The following IQCM variants were observed in gnomAD, a reference collection of about 807,000 sequenced individuals.
The protein encoded by IQCM is IQ motif containing M.
IQCM carries 45 observed loss-of-function variants against 57.6 expected under a neutral mutation model. The ratio of observed to expected loss-of-function variants is 0.78; its 90% CI spans 0.62 to 1.00. The LOEUF (loss-of-function observed/expected upper bound fraction) is 1.00, where lower values mean the gene tolerates loss of function less well. Ranked by LOEUF, IQCM falls within the 50% of genes least tolerant of loss-of-function variation. The pLI is 0.00. For missense variants in IQCM, 468 were observed against 511.6 expected, an observed-to-expected ratio of 0.91 and a Z score of 0.82; for synonymous variants, 148 against 158.9, an observed-to-expected ratio of 0.93 and a Z score of 0.51.
At chr4:149,368,051 C>T (rs1729963062) in intron 13 of IQCM, among the ~76,000 whole-genome samples, 1 of 151,898 alleles carries the variant, frequency 6.6e-6, no homozygotes, top group African/African-American at 2.4e-5. Flanking sequence ...GTGCAATTCC[C>T]CTTCAAATTA....
chr4:149,790,119 T>A, intron 2 of IQCM: 1 of 677,018 alleles, frequency 1.5e-6, no homozygotes. Context: ...CAGCCCTTAT[T>A]TACTCTATGG....
chr4:149,798,788 G>A (rs1416587836), intron 2 of IQCM, among the ~76,000 whole-genome samples: 1 of 151,640 alleles, frequency 6.6e-6, no homozygotes, highest in East Asian at 1.9e-4. Flanking sequence ...TCAGCAAGAG[G>A]GTGCATATAT....
At chr4:149,450,758 G>T (rs974064418) in intron 12 of IQCM, among the ~76,000 whole-genome samples, 1 of 151,864 alleles carries the variant, frequency 6.6e-6, no homozygotes, top group African/African-American at 2.4e-5. Context: ...AACACTGTTT[G>T]TGGTAATGTA....
chr4:149,434,809 C>T (rs1735194909), intron 12 of IQCM, among the ~76,000 whole-genome samples: 1 of 152,056 alleles, frequency 6.6e-6, no homozygotes, highest in Non-Finnish European at 1.5e-5. Context: ...CAGAAGGCTC[C>T]TGCAACTTCT....
chr4:149,757,467 C>A (rs1769087811), intron 2 of IQCM, among the ~76,000 whole-genome samples: 1 of 151,698 alleles, frequency 6.6e-6, no homozygotes, highest in Non-Finnish European at 1.5e-5. Flanking sequence ...AACCAAAGAA[C>A]ATAGAAAGGG....
intron 2 of IQCM, chr4:149,748,574 C>T (rs984804680): frequency 6.6e-6 from 1 of 152,062 alleles, no homozygotes; most frequent in African/African-American, 2.4e-5. Context: ...GAGCCATATT[C>T]AACAAGCTAT....
In IQCM at chr4:149,733,272, T is replaced by A; in HGVS notation, c.357A>T (p.Arg119Ser). 1 of 1,231,798 alleles carries A rather than the reference T, an allele frequency of 8.1e-7. No homozygotes were observed. 76.3% of individuals were successfully genotyped at this position (1,231,798 alleles called of 1,614,324 possible). A position where few individuals can be genotyped will look rare whatever the true frequency, so the allele number is the denominator to read the frequency against. ...TTGTAATTAGATCTATGGGCCTGCATCTTTCTCTTCTACTAAAAATGTGTG... is the reference window on the plus strand; with the variant it reads ...TTGTAATTAGATCTATGGGCCTGCAACTTTCTCTTCTACTAAAAATGTGTG... ...KEPHIFSRRE[R>S]CRPIDLITKG... The change falls in exon 5 of 14, where the codon AGA (arginine) becomes AGT (serine). Residue 119 changes from arginine (R) to serine (S), a missense_variant. By Grantham distance (110) the Arg-to-Ser change is moderately radical. Coordinates refer to ENST00000636793, the MANE Select transcript of IQCM (RefSeq NM_001363507.2).
At chr4:149,704,322 G>T (rs1763994451) in intron 5 of IQCM, among the ~76,000 whole-genome samples, 1 of 151,848 alleles carries the variant, frequency 6.6e-6, no homozygotes, top group African/African-American at 2.4e-5. Flanking sequence ...ATACCAATGG[G>T]TTAGAACAGG....
intron 7 of IQCM, among the ~76,000 whole-genome samples, chr4:149,669,379 C>A (rs2150173507): frequency 6.6e-6 from 1 of 152,220 alleles, no homozygotes; most frequent in South Asian, 2.1e-4. Context: ...CATATTAGCC[C>A]TTTGTCAGAT....
chr4:149,743,123 G>C (rs929999008), intron 2 of IQCM, among the ~76,000 whole-genome samples: 1 of 152,098 alleles, frequency 6.6e-6, no homozygotes, highest in Non-Finnish European at 1.5e-5. Flanking sequence ...AGGTCTCTCC[G>C]ATTTCCTACT....
At chr4:149,739,714 A>G (rs1409502863) in intron 3 of IQCM, among the ~76,000 whole-genome samples, 1 of 152,190 alleles carries the variant, frequency 6.6e-6, no homozygotes. Context: ...TGAAATGGTC[A>G]TATTAAACTC....
chr4:149,777,169 CAGGACAA>C (rs1295399919), intron 2 of IQCM, among the ~76,000 whole-genome samples: 1 of 152,190 alleles, frequency 6.6e-6, no homozygotes, highest in Admixed American at 6.5e-5. Context: ...TCTTTCCTTT[CAGGACAA>C]AGAGACTGTC....
At chr4:149,504,485 C>A (rs1743583478) in intron 12 of IQCM, among the ~76,000 whole-genome samples, 1 of 151,884 alleles carries the variant, frequency 6.6e-6, no homozygotes. Context: ...CCCACACCCA[C>A]CCCCCATGAC....
chr4:149,500,913 T>A (rs957308771), intron 12 of IQCM, among the ~76,000 whole-genome samples: 3 of 152,200 alleles, frequency 2.0e-5, no homozygotes, highest in Non-Finnish European at 4.4e-5. Context: ...AATGACATAA[T>A]ACCAATCCTG....
chr4:149,599,012 A>G (rs1401579202), intron 8 of IQCM, among the ~76,000 whole-genome samples: 7 of 152,100 alleles, frequency 4.6e-5, no homozygotes, highest in Non-Finnish European at 1.0e-4. Context: ...GCATATATAT[A>G]TATAATATGA....
intron 8 of IQCM, among the ~76,000 whole-genome samples, chr4:149,611,989 G>T (rs1755338981): frequency 6.6e-6 from 1 of 151,814 alleles, no homozygotes; most frequent in Admixed American, 6.6e-5. Context: ...AAGAAAAGAG[G>T]TTTAATTGAC....
intron 12 of IQCM, among the ~76,000 whole-genome samples, chr4:149,467,383 T>C (rs1251781640): frequency 6.6e-6 from 1 of 152,172 alleles, no homozygotes; most frequent in Non-Finnish European, 1.5e-5. Context: ...CAAATATGTA[T>C]TGAGTATATA....
intron 6 of IQCM, among the ~76,000 whole-genome samples, chr4:149,683,914 A>G (rs1312749458): frequency 1.3e-5 from 2 of 151,250 alleles, no homozygotes; most frequent in Non-Finnish European, 1.5e-5. Context: ...AATTGATCAG[A>G]ACAACCTAAA....
intron 5 of IQCM, among the ~76,000 whole-genome samples, chr4:149,711,346 G>A (rs775939011): frequency 3.9e-5 from 6 of 152,138 alleles, no homozygotes; most frequent in Admixed American, 1.3e-4. Flanking sequence ...TTAAATGAGC[G>A]AAAGCTTTAG....
Sources: gnomAD v4.1 joint callset for allele counts (sites outside exome capture counted in the v4.1 genomes callset) on GRCh38, gnomAD v4.1.1 for gene constraint, MANE v1.5 for transcripts, NCBI Gene and HGNC (gene_info 2026-07-23, HGNC 2026-07-21) for gene names.